The following CALN1 variants were observed in gnomAD, a reference collection of about 807,000 sequenced individuals.
The protein encoded by CALN1 is calneuron 1, also known as calcium-binding protein 8.
In CALN1, 17 loss-of-function variants were observed where a neutral mutation model predicts 30.6. The ratio of observed to expected loss-of-function variants is 0.56; its 90% CI spans 0.38 to 0.83. The LOEUF (loss-of-function observed/expected upper bound fraction) is 0.83, where lower values mean the gene tolerates loss of function less well. Ranked by LOEUF, CALN1 falls within the 40% of genes least tolerant of loss-of-function variation. The pLI is 0.00. For missense variants in CALN1, 291 were observed against 354.9 expected (o/e 0.82, Z 1.45); for synonymous variants, 156 against 131.4 (o/e 1.19, Z -1.28).
At chr7:72,171,518 A>G (rs1439503997) in intron 3 of CALN1, among the ~76,000 whole-genome samples, 1 of 152,216 alleles carries the variant, frequency 6.6e-6, no homozygotes, top group Non-Finnish European at 1.5e-5. Context: ...AATTTGTAAC[A>G]AATGGCTGAC....
In CALN1 at chr7:71,787,766, G is replaced by A. The variant is rs200207748; in HGVS notation, c.*9C>T. 8.5e-4 allele frequency: 1,373 copies of A among 1,613,384 alleles called. 20 individuals carry two copies. In the South Asian group the frequency reaches 0.013, roughly 15 times the overall value. Reference sequence around the variant, plus strand: ...TGAGCTGCAACACAGTGTGGCTGGCGGGAGGCTGCTACTCCATGCCGCTCC... The same window carrying A: ...TGAGCTGCAACACAGTGTGGCTGGCAGGAGGCTGCTACTCCATGCCGCTCC... On this transcript the variant is annotated 3_prime_UTR_variant, in exon 7 of 7. Transcript: ENST00000395275.
At chr7:72,374,126 T>C (rs1045037691) in intron 2 of CALN1, among the ~76,000 whole-genome samples, 2 of 152,218 alleles carry the variant, frequency 1.3e-5, no homozygotes, top group Non-Finnish European at 2.9e-5. Flanking sequence ...ACGAGGTTTT[T>C]CAGACAGAAG....
the CALN1 span, among the ~76,000 whole-genome samples, chr7:72,487,955 AAAGGAAGGAAGGAAGGAAGGAAGGAAGG>A: frequency 3.1e-4 from 17 of 54,392 alleles, no homozygotes; most frequent in Non-Finnish European, 5.8e-4. Flanking sequence ...GGAAGGAAGG[AAAGGAAGGAAGGAAGGAAGGAAGGAAGG>A]AAGGAAAGAA....
At chr7:71,919,976 T>C (rs1245654269) in intron 5 of CALN1, among the ~76,000 whole-genome samples, 1 of 152,210 alleles carries the variant, frequency 6.6e-6, no homozygotes, top group Non-Finnish European at 1.5e-5. Context: ...GAAAAAAATA[T>C]CATTCTGTGG....
chr7:72,101,054 C>T (rs963153207), intron 4 of CALN1, among the ~76,000 whole-genome samples: 2 of 151,814 alleles, frequency 1.3e-5, no homozygotes, highest in Non-Finnish European at 2.9e-5. Context: ...ACCTCTGCCT[C>T]CTGGGTTCAA....
At chr7:72,342,072 A>G (rs1479556898) in intron 2 of CALN1, among the ~76,000 whole-genome samples, 1 of 152,120 alleles carries the variant, frequency 6.6e-6, no homozygotes, top group Non-Finnish European at 1.5e-5. Context: ...CCTGGGCAAC[A>G]TAGGGAGACC....
At chr7:72,296,115 G>A (rs1044323225) in intron 2 of CALN1, among the ~76,000 whole-genome samples, 14 of 152,018 alleles carry the variant, frequency 9.2e-5, no homozygotes, top group Non-Finnish European at 1.9e-4. Flanking sequence ...CATCTATTGA[G>A]ATAATCATGT....
chr7:72,309,417 C>T (rs914240265), intron 2 of CALN1, among the ~76,000 whole-genome samples: 3 of 152,156 alleles, frequency 2.0e-5, no homozygotes, highest in Non-Finnish European at 4.4e-5. Flanking sequence ...GGACCCCTCT[C>T]TTCTGATGGA....
At chr7:72,247,338 T>G (rs2129551786) in intron 3 of CALN1, among the ~76,000 whole-genome samples, 1 of 138,480 alleles carries the variant, frequency 7.2e-6, no homozygotes, top group Non-Finnish European at 1.5e-5. Flanking sequence ...AAGTTCCGCC[T>G]CCCGGTTCAC....
intron 2 of CALN1, among the ~76,000 whole-genome samples, chr7:72,372,849 C>G (rs1324413531): frequency 1.3e-5 from 2 of 152,168 alleles, no homozygotes; most frequent in Admixed American, 1.3e-4. Context: ...GGATACAACT[C>G]TAAATTCCCA....
chr7:71,988,300 C>T (rs1798780082), intron 5 of CALN1, among the ~76,000 whole-genome samples: 1 of 152,198 alleles, frequency 6.6e-6, no homozygotes, highest in Non-Finnish European at 1.5e-5. Flanking sequence ...TTGTAAGGGG[C>T]ATCTGGCACT....
At chr7:72,334,527 C>A (rs370879801) in intron 2 of CALN1, among the ~76,000 whole-genome samples, 3 of 152,114 alleles carry the variant, frequency 2.0e-5, no homozygotes, top group South Asian at 2.1e-4. Flanking sequence ...CCTGTACCCC[C>A]CCTCCCCTTA....
chr7:71,988,932 C>A (rs1008150509), intron 5 of CALN1, among the ~76,000 whole-genome samples: 2 of 152,136 alleles, frequency 1.3e-5, no homozygotes, highest in Non-Finnish European at 2.9e-5. Flanking sequence ...GGCACAATAA[C>A]AGGCTCACAG....
At chr7:72,219,544 T>A (rs1410686040) in intron 3 of CALN1, among the ~76,000 whole-genome samples, 1 of 152,096 alleles carries the variant, frequency 6.6e-6, no homozygotes, top group Non-Finnish European at 1.5e-5. Context: ...GCTCTTCATT[T>A]AAGAGTCAAC....
chr7:71,920,615 G>A (rs186593228), intron 5 of CALN1, among the ~76,000 whole-genome samples: 110 of 152,252 alleles, frequency 7.2e-4, no homozygotes, highest in Non-Finnish European at 1.2e-3. Context: ...GATTACAGGC[G>A]TGAGCCACAG....
rs575980472 is a variant in CALN1 at position 71,800,734 on chromosome 7, A to G, written c.658+9602T>C. ...CCAGGTAAATGACCCAGGGTGACCA[A>G]TGAAGAGGCCAGGGCTGGGCATTGA... On this transcript the variant is annotated intron_variant, in intron 6 of 6. Transcript: ENST00000395275. Among the ~76,000 whole-genome samples, 32 of 152,268 alleles carry G rather than the reference A, an allele frequency of 2.1e-4. No individual in the cohort carries two copies. In the South Asian group the frequency reaches 6.4e-3, roughly 31 times the overall value.
intron 4 of CALN1, among the ~76,000 whole-genome samples, chr7:72,085,253 T>C (rs745398600): frequency 4.6e-5 from 7 of 152,148 alleles, no homozygotes; most frequent in Admixed American, 1.3e-4. Context: ...GGTGCAAGGA[T>C]TGCTTGAGAC....
rs996513294 is a variant in CALN1 at position 72,340,130 on chromosome 7, G to T, written c.120-61320C>A. Among the ~76,000 whole-genome samples the T allele has an allele frequency of 3.9e-5, 6 of 152,198 alleles. No individual in the cohort carries two copies. In the East Asian group the frequency reaches 1.2e-3, roughly 29 times the overall value. On this transcript the variant is annotated intron_variant, in intron 2 of 6. Transcript: ENST00000395275. Reference sequence around the variant, plus strand: ...TTCTAAATTTCTTCCTGAAGGGTCTGGAGGAAGCCACACCTACAGGCCAGA... The same window carrying T: ...TTCTAAATTTCTTCCTGAAGGGTCTTGAGGAAGCCACACCTACAGGCCAGA...
chr7:72,054,429 A>G (rs1445457409), intron 4 of CALN1, among the ~76,000 whole-genome samples: 4 of 67,848 alleles, frequency 5.9e-5, no homozygotes, highest in South Asian at 6.0e-4. Flanking sequence ...GTGTATATAT[A>G]CACGTATATA....
Sources: gnomAD v4.1 joint callset for allele counts (sites outside exome capture counted in the v4.1 genomes callset) on GRCh38, gnomAD v4.1.1 for gene constraint, MANE v1.5 for transcripts, NCBI Gene and HGNC (gene_info 2026-07-23, HGNC 2026-07-21) for gene names.